PAQR3: variants seen among roughly 807,000 people sequenced by gnomAD.
PAQR3 encodes the protein progestin and adipoQ receptor family member 3.
Under a neutral mutation model 41.7 loss-of-function variants are expected in PAQR3, and 39 were observed. The ratio of observed to expected loss-of-function variants is 0.93; its 90% confidence interval spans 0.72 to 1.22. The LOEUF (loss-of-function observed/expected upper bound fraction) is 1.22, where lower values mean the gene tolerates loss of function less well. Ranked by LOEUF, PAQR3 falls within the 50% of genes most tolerant of loss-of-function variation. PAQR3 has a pLI of 0.00. For missense variants in PAQR3, 366 were observed against 385.6 expected, an observed-to-expected ratio of 0.95 and a Z score of 0.42; for synonymous variants, 140 against 140.6, an observed-to-expected ratio of 1.00 and a Z score of 0.03.
intron 11 of PAQR3, among the ~76,000 whole-genome samples, chr4:78,898,119 A>G (rs957793350): frequency 6.6e-6 from 1 of 152,214 alleles, no homozygotes; most frequent in African/African-American, 2.4e-5. Context: ...AGTTGTGAGC[A>G]AAGTTCTAAG....
intron 1 of PAQR3, among the ~76,000 whole-genome samples, chr4:78,937,879 C>T: frequency 6.6e-6 from 1 of 152,208 alleles, no homozygotes; most frequent in East Asian, 1.9e-4. Context: ...ACTGCTTGCC[C>T]TATTCTTGTG....
At chr4:78,893,441 A>G (rs999836599) in intron 11 of PAQR3, among the ~76,000 whole-genome samples, 2 of 152,218 alleles carry the variant, frequency 1.3e-5, no homozygotes. Context: ...GTTCTTACGA[A>G]TCACGAATGA....
intron 2 of PAQR3, among the ~76,000 whole-genome samples, chr4:78,934,053 T>C (rs1737179584): frequency 6.6e-6 from 1 of 152,186 alleles, no homozygotes; most frequent in African/African-American, 2.4e-5. Context: ...AAGGGATATT[T>C]TGGCTGTAAT....
In PAQR3 at chr4:78,926,732, A is replaced by G; in HGVS notation, c.505-14T>C. The stretch of plus-strand genomic sequence containing the variant: ...CTGACGCCAGTACTAGAATGAAAGG[A>G]AATCACATTTTAATTCTGTTATTAA... On this transcript the variant is annotated splice_polypyrimidine_tract_variant and intron_variant, in intron 3 of 5. Transcript: ENST00000512733. 6.2e-7 allele frequency: 1 copy of G among 1,607,316 alleles called. No individual in the cohort carries two copies. The highest frequency in any genetic ancestry group is 8.5e-7 in the Non-Finnish European group (1 of 1,174,100).
intron 5 of PAQR3, chr4:78,922,105 GAATT>G (rs1197876663): frequency 1.4e-5 from 15 of 1,034,720 alleles, no homozygotes; most frequent in Non-Finnish European, 1.8e-5. Flanking sequence ...ATTTTAAAAA[GAATT>G]ATTAATAAAG....
At chr4:78,897,531 G>A (rs1001356399) in intron 11 of PAQR3, among the ~76,000 whole-genome samples, 1 of 152,054 alleles carries the variant, frequency 6.6e-6, no homozygotes, top group Non-Finnish European at 1.5e-5. Context: ...TATTAGCACA[G>A]CTATTTGAAT....
At chr4:78,897,930 T>C (rs1733788789) in intron 11 of PAQR3, among the ~76,000 whole-genome samples, 1 of 152,222 alleles carries the variant, frequency 6.6e-6, no homozygotes, top group African/African-American at 2.4e-5. Context: ...AAGATGCAAA[T>C]GCTACAATAG....
At position 78,917,798 on chromosome 4, in the gene PAQR3, A is replaced by C; in HGVS notation, c.*2741T>G. ...GAGTTGTACAGTTTTACGGAAGTCA[A>C]TCACAATCTTCAAATCGGATATTCT... On this transcript the variant is annotated 3_prime_UTR_variant, in exon 6 of 6. Coordinates refer to ENST00000512733, the MANE Select transcript of PAQR3 (RefSeq NM_001040202.2). 3 of 984,848 alleles carry C rather than the reference A, an allele frequency of 3.0e-6. No individual in the cohort carries two copies. Among genetic ancestry groups the C allele is most frequent in the Non-Finnish European group, 3.6e-6 (3 of 829,104 alleles). 61.0% of individuals were successfully genotyped at this position (984,848 alleles called of 1,614,324 possible). A position where few individuals can be genotyped will look rare whatever the true frequency, so the allele number is the denominator to read the frequency against.
At position 78,923,733 on chromosome 4, in the gene PAQR3, G is replaced by T. The variant is rs1225345625; in HGVS notation, c.793+124C>A. Reference sequence around the variant, plus strand: ...GAAAGTTTTAGGTAACATTTGGAAAGAGAGGAATCATTTCCATAATCAATA... The same window carrying T: ...GAAAGTTTTAGGTAACATTTGGAAATAGAGGAATCATTTCCATAATCAATA... On this transcript the variant is annotated intron_variant, in intron 5 of 5. Coordinates refer to ENST00000512733, the MANE Select transcript of PAQR3 (RefSeq NM_001040202.2). The T allele has an allele frequency of 1.5e-5, 11 of 725,592 alleles. No individual in the cohort carries two copies. In the African/African-American group the frequency reaches 1.8e-4, roughly 12 times the overall value. The allele number at this position is 725,592 out of a possible 1,614,324, so 44.9% of individuals were successfully genotyped here.
chr4:78,917,319 G>T lies in PAQR3; in HGVS notation c.*3220C>A, dbSNP rs1477765989. On this transcript the variant is annotated 3_prime_UTR_variant, in exon 6 of 6. Transcript: ENST00000512733. ...TTATGTGCAGGTTAGGTAGTATTTT[G>T]ATCTCAGATTTTATAGAGCAGGACT... The T allele has an allele frequency of 3.9e-5, 6 of 152,014 alleles. No individual in the cohort carries two copies. Among genetic ancestry groups the T allele is most frequent in the African/African-American group, 2.4e-5 (1 of 41,520 alleles). The allele number at this position is 152,014 out of a possible 1,614,324, so 9.4% of individuals were successfully genotyped here.
chr4:78,895,241 A>G (rs1733640560), intron 11 of PAQR3, among the ~76,000 whole-genome samples: 2 of 152,326 alleles, frequency 1.3e-5, no homozygotes, highest in East Asian at 1.9e-4. Flanking sequence ...TAGAAAGTCA[A>G]TCTTGGAAAT....
At chr4:78,887,560 T>TA (rs1454634213) in intron 12 of PAQR3, among the ~76,000 whole-genome samples, 3 of 152,188 alleles carry the variant, frequency 2.0e-5, no homozygotes, top group African/African-American at 7.2e-5. Context: ...AAAAAATATT[T>TA]AAAGATATTT....
At chr4:78,901,230 AT>A (rs11355746) in intron 11 of PAQR3, among the ~76,000 whole-genome samples, 18,963 of 141,986 alleles carry the variant, frequency 0.13, 2,100 homozygotes, top group African/African-American at 0.33. Flanking sequence ...TTATTTTATT[AT>A]TTTTTTTTTT....
Position 78,917,764 on chromosome 4 carries a change from C to T in PAQR3, c.*2775G>A. ...CAAAGTATTATCTAGTAGGTACCTG[C>T]CAAATGGAGAGTTGTACAGTTTTAC... On this transcript the variant is annotated 3_prime_UTR_variant, in exon 6 of 6. Transcript: ENST00000512733. 1 of 964,242 alleles carries T rather than the reference C, an allele frequency of 1.0e-6. No homozygotes were observed. Among genetic ancestry groups the T allele is most frequent in the Non-Finnish European group, 1.2e-6 (1 of 810,746 alleles). The allele number at this position is 964,242 out of a possible 1,614,324, so 59.7% of individuals were successfully genotyped here.
chr4:78,937,074 C>A (rs190559696), intron 1 of PAQR3, among the ~76,000 whole-genome samples: 1 of 152,172 alleles, frequency 6.6e-6, no homozygotes, highest in Non-Finnish European at 1.5e-5. Context: ...CTGAGAATGA[C>A]CCTATATGAA....
At chr4:78,887,373 TGTTA>T (rs138528611) in intron 12 of PAQR3, 56,147 of 913,338 alleles carry the variant, frequency 0.061, 2,802 homozygotes, top group East Asian at 0.23. Context: ...AAGACTCTGA[TGTTA>T]GTTAGCTACA....
intron 5 of PAQR3, chr4:78,921,872 C>A: frequency 1.0e-6 from 1 of 984,966 alleles, no homozygotes. Context: ...CTCTCATGTA[C>A]CCAAACTCAA....
intron 5 of PAQR3, chr4:78,922,229 A>T: frequency 1.7e-6 from 2 of 1,199,552 alleles, no homozygotes; most frequent in Non-Finnish European, 2.1e-6. Context: ...CCAAATCCTC[A>T]TGTTTACAAC....
chr4:78,898,409 C>G (rs1455470189), intron 11 of PAQR3, among the ~76,000 whole-genome samples: 1 of 151,686 alleles, frequency 6.6e-6, no homozygotes, highest in Non-Finnish European at 1.5e-5. Context: ...TCTTGAAGAA[C>G]TTCAGGATGT....
Sources: gnomAD v4.1 joint callset for allele counts (sites outside exome capture counted in the v4.1 genomes callset) on GRCh38, gnomAD v4.1.1 for gene constraint, MANE v1.5 for transcripts, NCBI Gene and HGNC (gene_info 2026-07-23, HGNC 2026-07-21) for gene names.